FKBP5: variants seen among roughly 807,000 people sequenced by gnomAD.
The protein encoded by FKBP5 is peptidyl-prolyl cis-trans isomerase FKBP5.
A neutral mutation model predicts 50.5 loss-of-function variants in FKBP5; 23 were observed. That is an observed-to-expected ratio of 0.46 (90% CI 0.33 to 0.65). The LOEUF is 0.65. Among genes scored for constraint, FKBP5 ranks in the 30% least tolerant of loss-of-function variants. The pLI is 0.02. For missense variants in FKBP5, 411 were observed against 553.1 expected, an observed-to-expected ratio of 0.74 and a Z score of 2.58; for synonymous variants, 176 against 190.6, an observed-to-expected ratio of 0.92 and a Z score of 0.63.
intron 5 of FKBP5, among the ~76,000 whole-genome samples, chr6:35,615,227 T>C (rs941572694): frequency 2.0e-5 from 3 of 152,008 alleles, no homozygotes; most frequent in Non-Finnish European, 2.9e-5. Context: ...TACGTATGTA[T>C]GTTGAGGTCC....
chr6:35,602,904 C>A (rs1763192477), intron 5 of FKBP5, among the ~76,000 whole-genome samples: 1 of 152,142 alleles, frequency 6.6e-6, no homozygotes, highest in Non-Finnish European at 1.5e-5. Flanking sequence ...AGTATACACC[C>A]AGCAACAAAT....
At chr6:35,627,919 GC>G (rs1319299539) in intron 3 of FKBP5, among the ~76,000 whole-genome samples, 1 of 139,436 alleles carries the variant, frequency 7.2e-6, no homozygotes, top group Admixed American at 7.5e-5. Flanking sequence ...GCGCCACCAT[GC>G]CCAGCTAATT....
At chr6:35,698,343 A>AAAAT (rs1316331585) in intron 2 of FKBP5, among the ~76,000 whole-genome samples, 33 of 151,804 alleles carry the variant, frequency 2.2e-4, no homozygotes, top group African/African-American at 1.9e-4. Context: ...ACTCCATCTT[A>AAAAT]AAATAAATAA....
chr6:35,590,594 A>T (rs1282136737), intron 7 of FKBP5, among the ~76,000 whole-genome samples: 1 of 148,430 alleles, frequency 6.7e-6, no homozygotes, highest in Non-Finnish European at 1.5e-5. Flanking sequence ...GAGAAGTATA[A>T]AAAAAAAATG....
At position 35,630,668 on chromosome 6, in the gene FKBP5, A is replaced by G. The variant is rs140666792; in HGVS notation, c.250+6346T>C. ...ACCTTAAGATCTAACATAACTTAAG[A>G]AAGACTACCTGGATTTGAATCCTGG... On this transcript the variant is annotated intron_variant, in intron 3 of 10. Coordinates refer to ENST00000357266, the MANE Select transcript of FKBP5 (RefSeq NM_004117.4). 9.8e-5 allele frequency among the ~76,000 whole-genome samples: 15 copies of G among 152,364 alleles called. No homozygotes were observed. In the East Asian group the frequency reaches 2.3e-3, roughly 23 times the overall value.
intron 1 of FKBP5, among the ~76,000 whole-genome samples, chr6:35,688,141 C>T (rs1411609442): frequency 6.6e-6 from 1 of 152,246 alleles, no homozygotes; most frequent in Non-Finnish European, 1.5e-5. Flanking sequence ...CCGACAGCGG[C>T]GATGCGGTTC....
chr6:35,658,869 G>A lies in FKBP5; in HGVS notation c.-19-16026C>T, dbSNP rs1765030157. On this transcript the variant is annotated intron_variant, in intron 1 of 10. Transcript: ENST00000357266. ...GTGGATTGCTTGAGCCCAGGAGTTC[G>A]AGACCAATCTGGGCAACATGGCAAA... is the stretch of plus-strand genomic sequence containing the variant. Among the ~76,000 whole-genome samples the A allele has an allele frequency of 4.8e-5, 4 of 83,374 alleles. 1 individual carries two copies. In the South Asian group the frequency reaches 1.7e-3, roughly 35 times the overall value. The allele number at this position is 83,374 out of a possible 152,430, so 54.7% of individuals were successfully genotyped here. A position where few individuals can be genotyped will look rare whatever the true frequency, so the allele number is the denominator to read the frequency against.
chr6:35,726,509 C>T lies in FKBP5; in HGVS notation c.-241+1999G>A, dbSNP rs139641407. ...TGGTGATGTCAAGCAGAATGAGTCACGTCCACCCCTCCCATCTCCTCCTCC... is the reference window on the plus strand; with the variant it reads ...TGGTGATGTCAAGCAGAATGAGTCATGTCCACCCCTCCCATCTCCTCCTCC... On this transcript the variant is annotated intron_variant, in intron 1 of 11. Coordinates refer to the FKBP5 transcript ENST00000536438. Among the ~76,000 whole-genome samples, 606 of 150,350 alleles carry T rather than the reference C, an allele frequency of 4.0e-3. 4 individuals carry two copies. Among genetic ancestry groups the T allele is most frequent in the South Asian group, 0.014 (66 of 4,754 alleles).
exon 2 of FKBP5, chr6:35,720,537 C>T (rs1469433233): frequency 1.3e-5 from 2 of 152,264 alleles, no homozygotes; most frequent in Middle Eastern, 3.2e-3. Flanking sequence ...AGTCCGGCAG[C>T]GAGGAATTTC....
intron 9 of FKBP5, among the ~76,000 whole-genome samples, chr6:35,578,663 G>C (rs1228297873): frequency 6.6e-6 from 1 of 151,710 alleles, no homozygotes; most frequent in African/African-American, 2.4e-5. Flanking sequence ...AGCTACTTGG[G>C]AGGCTGAGGC....
At chr6:35,606,957 T>C (rs1198449662) in intron 5 of FKBP5, among the ~76,000 whole-genome samples, 1 of 152,210 alleles carries the variant, frequency 6.6e-6, no homozygotes, top group Non-Finnish European at 1.5e-5. Context: ...TGTTTGTTTT[T>C]TGAGACAGAG....
At chr6:35,694,726 C>T (rs528486892) in intron 2 of FKBP5, among the ~76,000 whole-genome samples, 23 of 152,192 alleles carry the variant, frequency 1.5e-4, no homozygotes, top group Non-Finnish European at 2.2e-4. Flanking sequence ...GTGTTTTTTA[C>T]GGTTCCCCTT....
At position 35,619,126 on chromosome 6, in the gene FKBP5, A is replaced by C; in HGVS notation, c.478T>G (p.Ser160Ala). The change falls in exon 5 of 11, where the codon TCA becomes GCA. Residue 160 changes from serine to alanine, a missense_variant. Coordinates refer to ENST00000357266, the MANE Select transcript of FKBP5 (RefSeq NM_004117.4). ...ACTGTTGCTCCTTCGTTTGGATTTG[A>C]ATATCCCTCTCCTTTCCGTTTGGTT... ...RRTKRKGEGY[S>A]NPNEGATVEI... The C allele has an allele frequency of 3.7e-6, 6 of 1,613,630 alleles. No homozygotes were observed. The highest frequency in any genetic ancestry group is 5.1e-6 in the Non-Finnish European group (6 of 1,179,566).
rs189650774 is a variant in FKBP5, at chr6:35,606,572, A to G, written c.509-9168T>C. 7.7e-3 allele frequency among the ~76,000 whole-genome samples: 1,090 copies of G among 140,818 alleles called. 11 individuals carry two copies. Among genetic ancestry groups the G allele is most frequent in the African/African-American group, 0.024 (937 of 38,800 alleles). The allele number at this position is 140,818 out of a possible 152,430, so 92.4% of individuals were successfully genotyped here. On this transcript the variant is annotated intron_variant, in intron 5 of 10. Transcript: ENST00000357266. ...CTACTCGGGAGGCTGAGGCAGGAGA[A>G]TGGCGTGAACCTGGGAGGCGGGAGT...
intron 2 of FKBP5, among the ~76,000 whole-genome samples, chr6:35,702,271 T>C (rs1485627699): frequency 6.6e-6 from 1 of 152,054 alleles, no homozygotes; most frequent in Non-Finnish European, 1.5e-5. Flanking sequence ...TAAATCATAA[T>C]TACTGAATGA....
intron 8 of FKBP5, chr6:35,582,578 T>C: frequency 1.2e-6 from 1 of 829,074 alleles, no homozygotes; most frequent in Non-Finnish European, 1.5e-6. Flanking sequence ...ACACTGATCC[T>C]GCTAACACCT....
At chr6:35,713,077 T>TAAAAAAAAA (rs34258638) in intron 2 of FKBP5, among the ~76,000 whole-genome samples, 1 of 52,946 alleles carries the variant, frequency 1.9e-5, no homozygotes, top group African/African-American at 8.6e-5. Flanking sequence ...ATCTGGTCTC[T>TAAAAAAAAA]AAAAAAAAAA....
rs557990747 is a variant in FKBP5 at position 35,616,328 on chromosome 6, A to G, written c.508+2768T>C. Among the ~76,000 whole-genome samples the G allele has an allele frequency of 3.8e-3, 575 of 151,140 alleles. 6 individuals carry two copies. Among genetic ancestry groups the G allele is most frequent in the African/African-American group, 0.013 (536 of 41,250 alleles). On this transcript the variant is annotated intron_variant, in intron 5 of 10. Coordinates refer to ENST00000357266, the MANE Select transcript of FKBP5 (RefSeq NM_004117.4). ...AGACTCCATCTCAAAAAAAAAAAAAAAAAAAAAAAAAGTAAATACAATGCT... is the reference window on the plus strand; with the variant it reads ...AGACTCCATCTCAAAAAAAAAAAAAGAAAAAAAAAAAGTAAATACAATGCT...
chr6:35,677,573 G>A (rs1354260939), intron 1 of FKBP5, among the ~76,000 whole-genome samples: 2 of 152,134 alleles, frequency 1.3e-5, no homozygotes, highest in Non-Finnish European at 2.9e-5. Context: ...CCGGGCTGGG[G>A]AGAATTCATC....
Sources: allele counts gnomAD v4.1 joint callset (sites outside exome capture counted in the v4.1 genomes callset), GRCh38; gene constraint gnomAD v4.1.1; transcripts MANE v1.5; gene names NCBI Gene and HGNC (gene_info 2026-07-23, HGNC 2026-07-21).